Variants in FAM9A observed in about 807,000 individuals in gnomAD.
FAM9A encodes family with sequence similarity 9 member A, also known as protein FAM9A.
In FAM9A, 49 loss-of-function variants were observed where a neutral mutation model predicts 25.0. The observed-to-expected ratio is 1.96, with a 90% confidence interval of 1.56 to 2.48. FAM9A has a LOEUF of 2.48. Ranked by LOEUF, FAM9A falls within the 30% of genes most tolerant of loss-of-function variation. FAM9A has a pLI of 0.00. For missense variants in FAM9A, 266 were observed against 249.3 expected (o/e 1.07, Z -0.45); for synonymous variants, 80 against 85.1 (o/e 0.94, Z 0.33).
At position 8,790,992 on chromosome X, in the gene FAM9A, CA is replaced by C. The variant is rs765844135; in HGVS notation, c.*211del. On this transcript the variant is annotated 3_prime_UTR_variant, in exon 10 of 10. Coordinates refer to ENST00000381003, the MANE Select transcript of FAM9A (RefSeq NM_174951.3). The stretch of plus-strand genomic sequence containing the variant: ...AACAGATCATAGAAACGAGGTCTGG[CA>C]TTTAACAGACAAGTGACAGAGGAGC... 6.6e-4 allele frequency: 122 copies of C among 183,539 alleles called. 1 individual carries two copies. In the South Asian group the frequency reaches 0.021, roughly 32 times the overall value. The allele number at this position is 183,539 out of a possible 1,213,427, so 15.1% of individuals were successfully genotyped here.
chrX:8,791,957 TA>T (rs753568576), intron 8 of FAM9A, among the ~76,000 whole-genome samples: 2 of 111,576 alleles, frequency 1.8e-5, no homozygotes, highest in African/African-American at 3.3e-5. Context: ...AATGCACAAA[TA>T]AAAAAAATTA....
chrX:8,799,936 T>C (rs1933584874), intron 2 of FAM9A, 145 bp downstream of exon 2: 4 of 586,481 alleles, frequency 6.8e-6, no homozygotes, highest in Non-Finnish European at 1.0e-5. Context: ...CAGGCAACGA[T>C]GCCAGGGCCA....
Position 8,798,172 on chromosome X carries a change from G to C in FAM9A, c.351C>G (p.Thr117=). The C allele has an allele frequency of 8.3e-7, 1 of 1,204,702 alleles. No individual in the cohort carries two copies. Reference sequence around the variant, plus strand: ...TACCTGCAATATGTTCTAGCTTCATGGTATGAATCCTGTAAAAAAAGTTAC... The same window carrying C: ...TACCTGCAATATGTTCTAGCTTCATCGTATGAATCCTGTAAAAAAAGTTAC... ...AEKDEHTGIH[T]MKLEHIAADI... Residue 117 remains threonine, a synonymous_variant, in exon 5 of 10, where the codon ACC becomes ACG. Transcript: ENST00000381003.
chrX:8,795,178 C>CCTT lies in FAM9A; in HGVS notation c.728_730dup (p.Glu243dup), dbSNP rs562290126. 1.9e-6 allele frequency: 2 copies of CCTT among 1,044,709 alleles called. No individual in the cohort carries two copies. The highest frequency in any genetic ancestry group is 1.9e-5 in the African/African-American group (1 of 53,403). The allele number at this position is 1,044,709 out of a possible 1,213,427, so 86.1% of individuals were successfully genotyped here. On this transcript the variant is annotated inframe_insertion, in exon 7 of 10. Coordinates refer to ENST00000381003, the MANE Select transcript of FAM9A (RefSeq NM_174951.3). ...TCCTTCTTCTCCTTCTTCTCCTCCTCCTTCTTCTTCTCCTTCTTCTTCCTC... is the reference window on the plus strand; with the variant it reads ...TCCTTCTTCTCCTTCTTCTCCTCCTCCTTCTTCTTCTTCTCCTTCTTCTTCCTC...
chrX:8,793,631 T>C (rs1346750553), intron 8 of FAM9A, 27 bp downstream of exon 8: 1 of 1,106,135 alleles, frequency 9.0e-7, no homozygotes. Context: ...TATTTTATAA[T>C]GTATTATGTT....
At chrX:8,793,870 C>A (rs1462776972) in intron 7 of FAM9A, 114 bp from the exon 8 acceptor site, 1 of 490,655 alleles carries the variant, frequency 2.0e-6, no homozygotes, top group African/African-American at 2.4e-5. Context: ...TTAACACTTT[C>A]TTTTAAACAA....
rs191093844 is a variant in FAM9A, at chrX:8,797,237, G to A, written c.374-855C>T. Among the ~76,000 whole-genome samples the A allele has an allele frequency of 1.2e-4, 13 of 112,298 alleles. No individual in the cohort carries two copies. The East Asian group carries it at 2.5e-3, about 22-fold the overall frequency. On this transcript the variant is annotated intron_variant, in intron 5 of 9. Transcript: ENST00000381003. ...ACTGCTTGTATGAATTATCGCTAGAGAAGAGCTGAAAACTGAATTGAGCGT... is the reference window on the plus strand; with the variant it reads ...ACTGCTTGTATGAATTATCGCTAGAAAAGAGCTGAAAACTGAATTGAGCGT...
intron 2 of FAM9A, 51 bp downstream of exon 2, chrX:8,800,030 C>T (rs1396176124): frequency 4.3e-6 from 5 of 1,173,909 alleles, no homozygotes; most frequent in East Asian, 6.0e-5. Flanking sequence ...CTCGGGCTGC[C>T]CATGTGCCCC....
intron 1 of FAM9A, 115 bp downstream of exon 1, chrX:8,801,196 G>A (rs1292938510): frequency 9.2e-6 from 1 of 109,002 alleles, no homozygotes; most frequent in African/African-American, 3.3e-5. Context: ...GTTGCGAGAG[G>A]GCAGCATGCT....
At chrX:8,800,457 G>A (rs1371376889) in intron 1 of FAM9A, among the ~76,000 whole-genome samples, 1 of 110,230 alleles carries the variant, frequency 9.1e-6, no homozygotes, top group Non-Finnish European at 1.9e-5. Context: ...GGATCCTTGC[G>A]GTGTCCCTGG....
At position 8,798,183 on chromosome X, in the gene FAM9A, T is replaced by C; in HGVS notation, c.342-2A>G. ...TGTTCTAGCTTCATGGTATGAATCC[T>C]GTAAAAAAAGTTACATCAAAATTTT... On this transcript the variant is annotated splice_acceptor_variant, in intron 4 of 9. Transcript: ENST00000381003. LOFTEE classifies it high-confidence loss of function. The C allele has an allele frequency of 8.3e-7, 1 of 1,206,328 alleles. No individual in the cohort carries two copies. Among genetic ancestry groups the C allele is most frequent in the Non-Finnish European group, 1.1e-6 (1 of 893,029 alleles).
chrX:8,798,868 A>G, intron 3 of FAM9A, 98 bp downstream of exon 3: 1 of 1,165,169 alleles, frequency 8.6e-7, no homozygotes, highest in Non-Finnish European at 1.2e-6. Flanking sequence ...CGAAGGGGCC[A>G]GGGGTCTCGG....
intron 7 of FAM9A, among the ~76,000 whole-genome samples, chrX:8,794,682 T>A (rs1442181401): frequency 2.7e-5 from 3 of 111,561 alleles, no homozygotes; most frequent in Non-Finnish European, 3.8e-5. Context: ...CACTTTTCAC[T>A]GCCCATTGCC....
chrX:8,798,546 G>A, intron 3 of FAM9A, 67 bp from the exon 4 acceptor site: 1 of 1,173,804 alleles, frequency 8.5e-7, no homozygotes, highest in African/African-American at 1.8e-5. Flanking sequence ...CTTTTGTAGA[G>A]AAACTTATTA....
chrX:8,795,409 T>C lies in FAM9A; in HGVS notation c.500A>G (p.Asp167Gly), dbSNP rs749966085. ...CAGCAACTTCCGAGTATGTCTATAA[T>C]CACGTTTCTGCCTGTAACACATAAT... ...KKKQLKRQKR[D>G]YRHTRKLLNV... The change falls in exon 7 of 10, where the codon GAT (aspartate) becomes GGT (glycine). Residue 167 changes from aspartate (D) to glycine (G), a missense_variant. Transcript: ENST00000381003. 6.7e-6 allele frequency: 8 copies of C among 1,194,968 alleles called. No homozygotes were observed. The highest frequency in any genetic ancestry group is 9.0e-6 in the Non-Finnish European group (8 of 884,841).
chrX:8,800,099 G>A lies in FAM9A; in HGVS notation c.73C>T (p.Gln25Ter). 8.3e-7 allele frequency: 1 copy of A among 1,208,809 alleles called. No individual in the cohort carries two copies. The highest frequency in any genetic ancestry group is 1.1e-6 in the Non-Finnish European group (1 of 894,228). The change falls in exon 2 of 10, where the codon CAG becomes TAG. Residue 25 changes from glutamine (Q) to a stop codon, truncating the protein, a stop_gained. Transcript: ENST00000381003. LOFTEE classifies it high-confidence loss of function. Reference sequence around the variant, plus strand: ...CGTGCACCTTCTTTCGTGGCCCCCTGGGCGGCCGTAACTTGAGCTTCCAAC... The same window carrying A: ...CGTGCACCTTCTTTCGTGGCCCCCTAGGCGGCCGTAACTTGAGCTTCCAAC... ...AQLEAQVTAA[Q>*]GATKEGSGIA...
At position 8,790,922 on chromosome X, in the gene FAM9A, A is replaced by G. The variant is rs1933463152; in HGVS notation, c.*282T>C. The G allele has an allele frequency of 7.6e-6, 1 of 132,098 alleles. No homozygotes were observed. The allele number at this position is 132,098 out of a possible 1,213,427, so 10.9% of individuals were successfully genotyped here. On this transcript the variant is annotated 3_prime_UTR_variant, in exon 10 of 10. Coordinates refer to ENST00000381003, the MANE Select transcript of FAM9A (RefSeq NM_174951.3). Reference sequence around the variant, plus strand: ...TAAAATTTAATTGACCATGTACATAACTGTGCAATCCCTGCCTTCTCACAG... The same window carrying G: ...TAAAATTTAATTGACCATGTACATAGCTGTGCAATCCCTGCCTTCTCACAG...
intron 7 of FAM9A, among the ~76,000 whole-genome samples, chrX:8,794,414 T>C (rs1933502781): frequency 8.9e-6 from 1 of 112,029 alleles, no homozygotes; most frequent in Admixed American, 9.5e-5. Flanking sequence ...ACATAAGTTC[T>C]CTTACCGTGT....
At chrX:8,798,287 G>A (rs1311786288) in intron 4 of FAM9A, 72 bp downstream of exon 4, 1 of 1,202,625 alleles carries the variant, frequency 8.3e-7, no homozygotes, top group Non-Finnish European at 1.1e-6. Context: ...ATAGAATAGT[G>A]ATGACATGAA....
Sources: allele counts gnomAD v4.1 joint callset (sites outside exome capture counted in the v4.1 genomes callset), GRCh38; gene constraint gnomAD v4.1.1; transcripts MANE v1.5; gene names NCBI Gene and HGNC (gene_info 2026-07-23, HGNC 2026-07-21).